Variants in DEUP1 observed in about 807,000 individuals in gnomAD.
The protein encoded by DEUP1 is coiled-coil domain containing 67.
DEUP1 carries 82 observed loss-of-function variants against 87.4 expected under a neutral mutation model. The ratio of observed to expected loss-of-function variants is 0.94; its 90% CI spans 0.78 to 1.13. The LOEUF (loss-of-function observed/expected upper bound fraction) is 1.13. Among genes scored for constraint, DEUP1 ranks in the 50% most tolerant of loss-of-function variants. DEUP1 has a pLI of 0.00. For missense variants in DEUP1, 663 were observed against 681.5 expected (o/e 0.97, Z 0.30); for synonymous variants, 214 against 222.7 (o/e 0.96, Z 0.35).
chr11:93,415,101 A>T lies in DEUP1; in HGVS notation c.1625A>T (p.Asp542Val), dbSNP rs767550855. The T allele has an allele frequency of 1.3e-5, 21 of 1,608,478 alleles. No individual in the cohort carries two copies. Among genetic ancestry groups the T allele is most frequent in the Admixed American group, 6.7e-5 (4 of 59,686 alleles). The part of the protein sequence containing the change: ...EMTSPLVSDD[D>V]VFPLSPPDMS... ...ACAAGTCCTTTGGTTAGTGATGATGATGTATTCCCACTGGTGAGTTGCTGG... is the reference window on the plus strand; with the variant it reads ...ACAAGTCCTTTGGTTAGTGATGATGTTGTATTCCCACTGGTGAGTTGCTGG... The change falls in exon 13 of 14, where the codon GAT becomes GTT. Residue 542 changes from aspartate to valine, a missense_variant. Coordinates refer to ENST00000298050, the MANE Select transcript of DEUP1 (RefSeq NM_181645.4).
intron 1 of DEUP1, among the ~76,000 whole-genome samples, chr11:93,331,139 A>C (rs576143334): frequency 1.9e-4 from 29 of 150,246 alleles, no homozygotes; most frequent in Non-Finnish European, 3.6e-4. Context: ...GTTTTCCTTC[A>C]CCATCCCTGC....
At chr11:93,394,808 C>T (rs1208706935) in intron 10 of DEUP1, among the ~76,000 whole-genome samples, 152 bp downstream of exon 10, 1 of 152,052 alleles carries the variant, frequency 6.6e-6, no homozygotes, top group East Asian at 1.9e-4. Flanking sequence ...TACATAAAAC[C>T]TTTCAGAGAT....
chr11:93,373,287 T>C (rs903511903), intron 7 of DEUP1, among the ~76,000 whole-genome samples: 2 of 152,062 alleles, frequency 1.3e-5, no homozygotes, highest in Admixed American at 1.3e-4. Flanking sequence ...TTCTGAGATT[T>C]TGATGCACCC....
intron 11 of DEUP1, among the ~76,000 whole-genome samples, chr11:93,405,704 C>T (rs1947251532): frequency 6.6e-6 from 1 of 151,884 alleles, no homozygotes; most frequent in South Asian, 2.1e-4. Flanking sequence ...ACTATTGATA[C>T]TAATATGACA....
chr11:93,398,455 T>C (rs561084206), intron 11 of DEUP1, among the ~76,000 whole-genome samples: 1 of 152,192 alleles, frequency 6.6e-6, no homozygotes, highest in Non-Finnish European at 1.5e-5. Context: ...TGTTTTAATT[T>C]TAATAGCTAT....
chr11:93,398,933 G>A (rs1947026511), intron 11 of DEUP1, among the ~76,000 whole-genome samples: 1 of 152,066 alleles, frequency 6.6e-6, no homozygotes, highest in African/African-American at 2.4e-5. Context: ...ATGTTGGCCA[G>A]GTTGGTCTTG....
chr11:93,383,452 A>C, intron 7 of DEUP1: 1 of 488,836 alleles, frequency 2.0e-6, no homozygotes. Flanking sequence ...AGTGGTTGCT[A>C]GGAGCTGGAG....
chr11:93,433,790 G>C (rs1025991470), intron 13 of DEUP1, among the ~76,000 whole-genome samples: 9 of 152,192 alleles, frequency 5.9e-5, no homozygotes, highest in Non-Finnish European at 1.3e-4. Context: ...ATTAAGCAAA[G>C]ATGTGGTCTG....
chr11:93,354,651 G>A lies in DEUP1; in HGVS notation c.30-720G>A, dbSNP rs528486499. On this transcript the variant is annotated intron_variant, in intron 2 of 13. Coordinates refer to ENST00000298050, the MANE Select transcript of DEUP1 (RefSeq NM_181645.4). ...AAAAAGCACTTCTTATATGATGGAG[G>A]CAAGAGAAAATGAGGAAGAAGCAAA... is the stretch of plus-strand genomic sequence containing the variant. Among the ~76,000 whole-genome samples the A allele has an allele frequency of 9.1e-4, 138 of 152,248 alleles. 3 individuals carry two copies. The South Asian group carries it at 0.028, about 30-fold the overall frequency.
intron 6 of DEUP1, among the ~76,000 whole-genome samples, chr11:93,370,424 T>C (rs1474978488): frequency 3.3e-5 from 5 of 152,234 alleles, no homozygotes; most frequent in African/African-American, 1.2e-4. Flanking sequence ...AAATAGCATA[T>C]GTTTTTGCAT....
rs1948299142 is a variant in DEUP1 at position 93,438,102 on chromosome 11, T to C, written c.*383T>C. 1 of 158,980 alleles carries C rather than the reference T, an allele frequency of 6.3e-6. No individual in the cohort carries two copies. Among genetic ancestry groups the C allele is most frequent in the African/African-American group, 2.4e-5 (1 of 41,472 alleles). The allele number at this position is 158,980 out of a possible 1,614,324, so 9.8% of individuals were successfully genotyped here. On this transcript the variant is annotated 3_prime_UTR_variant, in exon 14 of 14. Coordinates refer to ENST00000298050, the MANE Select transcript of DEUP1 (RefSeq NM_181645.4). ...AGAAAGGGAAGTGCTATATTCCAGA[T>C]ACAAATGACTCAAAGGCAGCTCAGT...
At chr11:93,416,999 T>C (rs1334928271) in intron 13 of DEUP1, among the ~76,000 whole-genome samples, 1 of 152,080 alleles carries the variant, frequency 6.6e-6, no homozygotes, top group African/African-American at 2.4e-5. Context: ...CTAAAAACTC[T>C]CAATAAATTA....
intron 2 of DEUP1, among the ~76,000 whole-genome samples, chr11:93,347,361 C>T (rs551294725): frequency 2.6e-5 from 4 of 152,282 alleles, no homozygotes; most frequent in African/African-American, 7.2e-5. Flanking sequence ...ATCCCAGGGA[C>T]AAAGCCTACT....
At chr11:93,363,978 T>C (rs1429780063) in intron 4 of DEUP1, among the ~76,000 whole-genome samples, 182 bp from the exon 5 acceptor site, 1 of 151,960 alleles carries the variant, frequency 6.6e-6, no homozygotes, top group Non-Finnish European at 1.5e-5. Flanking sequence ...CTGAATTGTG[T>C]TCAGCTTCAA....
chr11:93,390,954 C>T (rs374049394), intron 9 of DEUP1, among the ~76,000 whole-genome samples: 10 of 151,862 alleles, frequency 6.6e-5, no homozygotes, highest in African/African-American at 2.2e-4. Context: ...CGGTGGCAGG[C>T]GCCTGTAATC....
chr11:93,339,459 T>G (rs1943948002), intron 2 of DEUP1, among the ~76,000 whole-genome samples: 1 of 152,190 alleles, frequency 6.6e-6, no homozygotes, highest in Non-Finnish European at 1.5e-5. Context: ...TATACACTAC[T>G]TAAAATGGTT....
At chr11:93,387,007 T>C (rs1394941592) in intron 8 of DEUP1, among the ~76,000 whole-genome samples, 1 of 152,162 alleles carries the variant, frequency 6.6e-6, no homozygotes, top group Non-Finnish European at 1.5e-5. Flanking sequence ...TCTAAAATCT[T>C]GCACTTATTT....
At chr11:93,355,267 A>T in intron 2 of DEUP1, 104 bp from the exon 3 acceptor site, 1 of 1,035,376 alleles carries the variant, frequency 9.7e-7, no homozygotes, top group Non-Finnish European at 1.4e-6. Flanking sequence ...ATAATTGAAC[A>T]ATTTCAGGAA....
chr11:93,437,585 C>A lies in DEUP1; in HGVS notation c.1681C>A (p.His561Asn), dbSNP rs529419045. The A allele has an allele frequency of 6.2e-7, 1 of 1,613,672 alleles. No individual in the cohort carries two copies. Among genetic ancestry groups the A allele is most frequent in the South Asian group, 1.1e-5 (1 of 91,066 alleles). Residue 561 changes from histidine (H) to asparagine (N), a missense_variant, in exon 14 of 14, where the codon CAT (histidine) becomes AAT (asparagine). Transcript: ENST00000298050. ...MSFPASLAAQ[H>N]FLLEEEKRAK... Reference sequence around the variant, plus strand: ...CTTCCCAGCATCTTTGGCTGCACAGCATTTCCTTCTGGAAGAAGAGAAACG... The same window carrying A: ...CTTCCCAGCATCTTTGGCTGCACAGAATTTCCTTCTGGAAGAAGAGAAACG...
Sources: allele counts gnomAD v4.1 joint callset (sites outside exome capture counted in the v4.1 genomes callset), GRCh38; gene constraint gnomAD v4.1.1; transcripts MANE v1.5; gene names NCBI Gene and HGNC (gene_info 2026-07-23, HGNC 2026-07-21).